Variants in SLC8A1 observed in about 807,000 individuals in gnomAD.
SLC8A1 encodes the protein sodium/calcium exchanger 1.
Under a neutral mutation model 68.3 loss-of-function variants are expected in SLC8A1, and 18 were observed. That is an observed-to-expected ratio of 0.26 (90% CI 0.18 to 0.39). SLC8A1 has a LOEUF of 0.39. SLC8A1 is among the 10% of genes least tolerant of loss of function. The probability of loss-of-function intolerance (pLI) is 1.00; values close to 1 mark genes in which losing one functional copy is unlikely to be tolerated. For missense variants in SLC8A1, 985 were observed against 1,156.7 expected (o/e 0.85, Z 2.15); for synonymous variants, 475 against 415.5 (o/e 1.14, Z -1.74).
At chr2:40,272,074 G>T (rs2066108025) in intron 2 of SLC8A1, among the ~76,000 whole-genome samples, 1 of 152,080 alleles carries the variant, frequency 6.6e-6, no homozygotes, top group Non-Finnish European at 1.5e-5. Flanking sequence ...TCACTGTATT[G>T]CCCTGGCTGG....
chr2:40,479,056 G>A (rs1279525255), intron 1 of SLC8A1, among the ~76,000 whole-genome samples: 2 of 152,164 alleles, frequency 1.3e-5, no homozygotes, highest in Non-Finnish European at 2.9e-5. Context: ...ACAGGCGTGA[G>A]CCACCACGCC....
intron 2 of SLC8A1, among the ~76,000 whole-genome samples, chr2:40,271,505 T>C (rs1247749418): frequency 1.3e-5 from 2 of 152,222 alleles, no homozygotes; most frequent in Non-Finnish European, 2.9e-5. Flanking sequence ...ACCCCCTCAC[T>C]GAACCTATTT....
At chr2:40,403,871 G>C (rs1425311307) in intron 2 of SLC8A1, among the ~76,000 whole-genome samples, 1 of 152,130 alleles carries the variant, frequency 6.6e-6, no homozygotes, top group Non-Finnish European at 1.5e-5. Context: ...ATAAACTCCT[G>C]ACAGTGCCAT....
intron 2 of SLC8A1, among the ~76,000 whole-genome samples, chr2:40,273,878 T>C (rs2066361245): frequency 6.7e-6 from 1 of 149,862 alleles, no homozygotes; most frequent in Non-Finnish European, 1.5e-5. Context: ...TTTTTTTTTT[T>C]TTTCCATTTT....
Position 40,108,951 on chromosome 2 carries a change from C to T in SLC8A1, c.*6302G>A, listed in dbSNP as rs2034392726. The T allele has an allele frequency of 2.0e-5, 3 of 151,120 alleles. No homozygotes were observed. The South Asian group carries it at 6.2e-4, about 31-fold the overall frequency. The allele number at this position is 151,120 out of a possible 1,614,324, so 9.4% of individuals were successfully genotyped here. A position where few individuals can be genotyped will look rare whatever the true frequency, so the allele number is the denominator to read the frequency against. ...AGGTTGGGAATGTAAGGAAATGTCT[C>T]TGAAAATCTCTGGGCAGGATTCTTC... On this transcript the variant is annotated 3_prime_UTR_variant, in exon 8 of 8. Coordinates refer to ENST00000406785, the Ensembl canonical transcript of SLC8A1.
intron 2 of SLC8A1, among the ~76,000 whole-genome samples, chr2:40,323,192 T>G (rs2075410152): frequency 6.6e-6 from 1 of 152,144 alleles, no homozygotes; most frequent in African/African-American, 2.4e-5. Context: ...ATTACAAGAT[T>G]GATAATAATT....
chr2:40,119,020 G>C (rs1572757847), intron 7 of SLC8A1, among the ~76,000 whole-genome samples: 1 of 152,056 alleles, frequency 6.6e-6, no homozygotes, highest in Non-Finnish European at 1.5e-5. Flanking sequence ...TGGGTCTGGG[G>C]ACTCAAAGCA....
At chr2:40,379,551 G>GC (rs1559454092) in intron 2 of SLC8A1, among the ~76,000 whole-genome samples, 1 of 151,754 alleles carries the variant, frequency 6.6e-6, no homozygotes. Flanking sequence ...AACCGAAGTC[G>GC]CCCCCTTGCC....
At chr2:40,312,206 C>G (rs897598456) in intron 2 of SLC8A1, among the ~76,000 whole-genome samples, 4 of 152,118 alleles carry the variant, frequency 2.6e-5, no homozygotes, top group Non-Finnish European at 5.9e-5. Flanking sequence ...TTATTGTTAT[C>G]CACCTTTACC....
intron 2 of SLC8A1, among the ~76,000 whole-genome samples, chr2:40,232,075 C>T (rs1370046612): frequency 6.6e-6 from 1 of 151,746 alleles, no homozygotes; most frequent in African/African-American, 2.4e-5. Flanking sequence ...GGAAATGGGT[C>T]CAGTTCAAAA....
chr2:40,332,287 G>A (rs1365526487), intron 2 of SLC8A1, among the ~76,000 whole-genome samples: 4 of 152,110 alleles, frequency 2.6e-5, no homozygotes, highest in Non-Finnish European at 5.9e-5. Context: ...TTTTGAGGAT[G>A]GTGAAGAGCT....
chr2:40,362,856 T>A (rs1365365679), intron 2 of SLC8A1, among the ~76,000 whole-genome samples: 1 of 152,280 alleles, frequency 6.6e-6, no homozygotes, highest in East Asian at 1.9e-4. Flanking sequence ...GAACTTGTAC[T>A]TCTGTGGATT....
At chr2:40,330,657 C>T (rs2076317892) in intron 2 of SLC8A1, among the ~76,000 whole-genome samples, 1 of 152,110 alleles carries the variant, frequency 6.6e-6, no homozygotes, top group African/African-American at 2.4e-5. Flanking sequence ...AAATATACTA[C>T]TAGTTGCTTA....
intron 7 of SLC8A1, among the ~76,000 whole-genome samples, chr2:40,134,956 C>T (rs1014855191): frequency 4.6e-5 from 7 of 152,142 alleles, no homozygotes; most frequent in Admixed American, 6.5e-5. Flanking sequence ...GACTACTTCA[C>T]AGTTGGTGAT....
chr2:40,488,752 T>C (rs1161429495), intron 1 of SLC8A1, among the ~76,000 whole-genome samples: 1 of 152,134 alleles, frequency 6.6e-6, no homozygotes, highest in Admixed American at 6.6e-5. Context: ...TAATATTATA[T>C]GCAATTTGAT....
rs143708135 is a variant in SLC8A1 at position 40,422,899 on chromosome 2, ATCTC to A, written c.1808+5570_1808+5573del. Among the ~76,000 whole-genome samples, 640 of 152,250 alleles carry A rather than the reference ATCTC, an allele frequency of 4.2e-3. 6 individuals are homozygous for A. The highest frequency in any genetic ancestry group is 0.014 in the African/African-American group (599 of 41,566). On this transcript the variant is annotated intron_variant, in intron 2 of 7. Transcript: ENST00000406785. ...TTTATTAGCACTTTGAAAAAAATTA[ATCTC>A]TCTAAGTTTCAGTTTTTTCATCTGC...
At chr2:40,280,220 A>G (rs1323484071) in intron 2 of SLC8A1, among the ~76,000 whole-genome samples, 1 of 147,358 alleles carries the variant, frequency 6.8e-6, no homozygotes, top group Non-Finnish European at 1.5e-5. Flanking sequence ...TTATAAAAGA[A>G]TCTAATGATA....
At chr2:40,162,453 T>C (rs917983996) in intron 5 of SLC8A1, among the ~76,000 whole-genome samples, 3 of 152,192 alleles carry the variant, frequency 2.0e-5, no homozygotes, top group Admixed American at 6.5e-5. Flanking sequence ...AAATAAACAA[T>C]TGAACAGATA....
At chr2:40,293,335 T>A (rs938565429) in intron 2 of SLC8A1, among the ~76,000 whole-genome samples, 42 of 152,108 alleles carry the variant, frequency 2.8e-4, no homozygotes, top group African/African-American at 9.9e-4. Context: ...TTAAAGAATT[T>A]TAAAAAATAA....
Sources: allele counts gnomAD v4.1 joint callset (sites outside exome capture counted in the v4.1 genomes callset), GRCh38; gene constraint gnomAD v4.1.1; transcripts MANE v1.5; gene names NCBI Gene and HGNC (gene_info 2026-07-23, HGNC 2026-07-21).